CNGA1: variants seen among roughly 807,000 people sequenced by gnomAD.
CNGA1 encodes the protein cyclic nucleotide-gated channel alpha-1.
A neutral mutation model predicts 69.7 loss-of-function variants in CNGA1; 53 were observed. That is an observed-to-expected ratio of 0.76 (90% confidence interval 0.61 to 0.96). CNGA1 has a LOEUF of 0.96. CNGA1 is among the 40% of genes least tolerant of loss of function. The pLI is 0.00. For synonymous variants in CNGA1, 249 were observed against 283.5 expected (o/e 0.88, Z 1.22); for missense variants, 739 against 811.2 (o/e 0.91, Z 1.08).
intron 6 of CNGA1, among the ~76,000 whole-genome samples, chr4:47,944,238 G>C (rs1015685361): frequency 2.0e-5 from 3 of 152,122 alleles, no homozygotes; most frequent in Non-Finnish European, 4.4e-5. Flanking sequence ...GTTAGAGCAG[G>C]AAAATTTCTA....
chr4:47,943,458 C>G (rs1368314625), intron 6 of CNGA1, 46 bp from the exon 7 acceptor site: 2 of 1,158,838 alleles, frequency 1.7e-6, no homozygotes, highest in Non-Finnish European at 2.4e-6. Flanking sequence ...CAGTCTTCCA[C>G]TCTTATTTAC....
chr4:47,957,208 T>C (rs1190035931), intron 3 of CNGA1, among the ~76,000 whole-genome samples: 1 of 152,162 alleles, frequency 6.6e-6, no homozygotes, highest in Non-Finnish European at 1.5e-5. Context: ...AGTGCTGAGA[T>C]TACAGGTGTG....
At chr4:47,992,355 T>C (rs1031602401) in intron 2 of CNGA1, among the ~76,000 whole-genome samples, 1 of 152,164 alleles carries the variant, frequency 6.6e-6, no homozygotes, top group Non-Finnish European at 1.5e-5. Context: ...CAGTGTTTTG[T>C]AGTTTTCCTT....
intron 2 of CNGA1, among the ~76,000 whole-genome samples, chr4:47,989,997 A>G (rs1286924505): frequency 1.3e-5 from 2 of 149,348 alleles, no homozygotes; most frequent in African/African-American, 5.2e-5. Context: ...TAATCCCATC[A>G]TCTTCATAAG....
chr4:47,997,711 G>A (rs1486850502), intron 2 of CNGA1, among the ~76,000 whole-genome samples: 5 of 152,102 alleles, frequency 3.3e-5, no homozygotes, highest in Admixed American at 1.3e-4. Context: ...ACAGATTGTA[G>A]TAATTTTTAT....
intron 3 of CNGA1, among the ~76,000 whole-genome samples, chr4:47,977,299 C>T (rs1741466874): frequency 6.6e-6 from 1 of 152,122 alleles, no homozygotes; most frequent in African/African-American, 2.4e-5. Flanking sequence ...GGATGATATG[C>T]ACAAAGGAAT....
chr4:47,969,494 G>A (rs1485939889), intron 3 of CNGA1, among the ~76,000 whole-genome samples: 1 of 151,780 alleles, frequency 6.6e-6, no homozygotes, highest in African/African-American at 2.4e-5. Context: ...TTTTTAGATG[G>A]AGTCTTGCTC....
At chr4:47,953,195 T>C (rs913554853) in intron 3 of CNGA1, among the ~76,000 whole-genome samples, 3 of 152,232 alleles carry the variant, frequency 2.0e-5, no homozygotes, top group Non-Finnish European at 4.4e-5. Flanking sequence ...CAGTTTTACA[T>C]AGGAATTATT....
chr4:47,985,338 A>G (rs575307240), intron 2 of CNGA1, among the ~76,000 whole-genome samples: 33 of 152,310 alleles, frequency 2.2e-4, no homozygotes, highest in African/African-American at 7.5e-4. Flanking sequence ...ACCAGGGTTA[A>G]TTAGAGCAAT....
At position 47,937,467 on chromosome 4, in the gene CNGA1, C is replaced by T. The variant is rs748034014; in HGVS notation, c.1015G>A (p.Gly339Ser). 4 of 1,614,108 alleles carry T rather than the reference C, an allele frequency of 2.5e-6. No homozygotes were observed. Among genetic ancestry groups the T allele is most frequent in the South Asian group, 1.1e-5 (1 of 91,078 alleles). Residue 339 changes from glycine (G) to serine (S), a missense_variant, in exon 11 of 11, where the codon GGC becomes AGC. Physicochemically the swap from Gly to Ser is moderately conservative, Grantham distance 56. Transcript: ENST00000514170. ...TATACGTATTTTCTAGCCAAACGGCCAAATTCAGGATCATTAATATCAGGG... is the reference window on the plus strand; with the variant it reads ...TATACGTATTTTCTAGCCAAACGGCTAAATTCAGGATCATTAATATCAGGG... ...VYPDINDPEF[G>S]RLARKYVYSL... is the part of the protein sequence containing the mutation.
Position 47,940,784 on chromosome 4 carries a change from T to C in CNGA1, c.631A>G (p.Met211Val). ...YVSDIVYLIDMFVRTRTGYLE... is the reference protein window; with the variant it reads ...YVSDIVYLIDVFVRTRTGYLE... ...TTACCTGTCCTTGTTCGTACAAACA[T>C]ATCGATTAAATAGACTATGTCTGAT... is the stretch of plus-strand genomic sequence containing the variant. Residue 211 changes from methionine to valine, a missense_variant, in exon 10 of 11, where the codon ATG (methionine) becomes GTG (valine). Physicochemically the swap from Met to Val is conservative, Grantham distance 21. Transcript: ENST00000514170. 1 of 1,605,668 alleles carries C rather than the reference T, an allele frequency of 6.2e-7. No individual in the cohort carries two copies. Among genetic ancestry groups the C allele is most frequent in the Non-Finnish European group, 8.5e-7 (1 of 1,172,646 alleles).
chr4:47,970,405 C>T (rs1264364648), intron 3 of CNGA1, among the ~76,000 whole-genome samples: 1 of 152,076 alleles, frequency 6.6e-6, no homozygotes, highest in Non-Finnish European at 1.5e-5. Flanking sequence ...AATCCCAGCA[C>T]TTTGGGAGAC....
intron 2 of CNGA1, among the ~76,000 whole-genome samples, chr4:48,005,938 G>T (rs1405625876): frequency 6.6e-6 from 1 of 152,134 alleles, no homozygotes; most frequent in Non-Finnish European, 1.5e-5. Flanking sequence ...GTAGAAATCA[G>T]GTACAGAGAA....
chr4:48,015,142 C>A (rs547364186), intron 1 of CNGA1, among the ~76,000 whole-genome samples: 12 of 152,322 alleles, frequency 7.9e-5, no homozygotes, highest in African/African-American at 2.9e-4. Flanking sequence ...CGCGCCACTG[C>A]ACTCCAGCCT....
chr4:47,992,807 G>A (rs1742329250), intron 2 of CNGA1, among the ~76,000 whole-genome samples: 1 of 152,002 alleles, frequency 6.6e-6, no homozygotes, highest in East Asian at 1.9e-4. Flanking sequence ...TCCCCATTCA[G>A]TATTATGTTG....
At chr4:47,979,598 G>T (rs1281517729) in intron 3 of CNGA1, among the ~76,000 whole-genome samples, 1 of 152,150 alleles carries the variant, frequency 6.6e-6, no homozygotes, top group Non-Finnish European at 1.5e-5. Flanking sequence ...TAGCGTTAGA[G>T]TAGGAACTAA....
rs771075850 is a variant in CNGA1, at chr4:47,937,173, G to A, written c.1309C>T (p.Leu437=). Residue 437 remains leucine, a synonymous_variant, in exon 11 of 11, where the codon CTG becomes TTG. Transcript: ENST00000514170. The part of the protein sequence containing the change: ...EKRVIKWFDY[L]WTNKKTVDEK... ...TCAACTGTTTTTTTGTTGGTCCACA[G>A]GTAGTCAAACCATTTAATAACCCTC... 5 of 1,614,148 alleles carry A rather than the reference G, an allele frequency of 3.1e-6. No homozygotes were observed. The highest frequency in any genetic ancestry group is 1.1e-5 in the South Asian group (1 of 91,082).
At position 47,936,778 on chromosome 4, in the gene CNGA1, G is replaced by T. The variant is rs750411022; in HGVS notation, c.1704C>A (p.Asp568Glu). 1 of 1,614,114 alleles carries T rather than the reference G, an allele frequency of 6.2e-7. No individual in the cohort carries two copies. The highest frequency in any genetic ancestry group is 8.5e-7 in the Non-Finnish European group (1 of 1,180,028). ...TANIKSIGYSDLFCLSKDDLM... is the reference protein window; with the variant it reads ...TANIKSIGYSELFCLSKDDLM... ...GGTCATCTTTTGAGAGACAGAACAG[G>T]TCTGAGTAGCCAATACTTTTAATAT... Residue 568 changes from aspartate (D) to glutamate (E), a missense_variant, in exon 11 of 11, where the codon GAC becomes GAA. Asp to Glu is a conservative substitution (Grantham distance 45). Transcript: ENST00000514170.
At chr4:48,007,820 T>C (rs1714988079) in intron 2 of CNGA1, among the ~76,000 whole-genome samples, 1 of 152,164 alleles carries the variant, frequency 6.6e-6, no homozygotes, top group Admixed American at 6.5e-5. Flanking sequence ...GAACATTATG[T>C]TGGAAGAAAA....
Sources: allele counts gnomAD v4.1 joint callset (sites outside exome capture counted in the v4.1 genomes callset), GRCh38; gene constraint gnomAD v4.1.1; transcripts MANE v1.5; gene names NCBI Gene and HGNC (gene_info 2026-07-23, HGNC 2026-07-21).